The following B4GALT6 variants were observed in gnomAD, a reference collection of about 807,000 sequenced individuals.
B4GALT6 encodes beta-1,4-galactosyltransferase 6.
A neutral mutation model predicts 46.3 loss-of-function variants in B4GALT6; 14 were observed. The ratio of observed to expected loss-of-function variants is 0.30; its 90% CI spans 0.20 to 0.47. B4GALT6 has a LOEUF of 0.47. Ranked by LOEUF, B4GALT6 falls within the 20% of genes least tolerant of loss-of-function variation. The pLI, the probability that B4GALT6 is intolerant of heterozygous loss-of-function variation, is 0.99. For missense variants in B4GALT6, 386 were observed against 480.1 expected, an observed-to-expected ratio of 0.80 and a Z score of 1.83; for synonymous variants, 168 against 162.0, an observed-to-expected ratio of 1.04 and a Z score of -0.28.
At chr18:31,661,774 T>C (rs778893482) in intron 2 of B4GALT6, among the ~76,000 whole-genome samples, 1 of 152,198 alleles carries the variant, frequency 6.6e-6, no homozygotes, top group African/African-American at 2.4e-5. Context: ...AAAAAGTAAG[T>C]TTGTCCCTGG....
intron 1 of B4GALT6, among the ~76,000 whole-genome samples, chr18:31,678,395 C>T (rs986132944): frequency 5.9e-5 from 9 of 152,234 alleles, no homozygotes; most frequent in African/African-American, 1.9e-4. Context: ...TCACTGCTAA[C>T]TTAGGCTATC....
intron 4 of B4GALT6, among the ~76,000 whole-genome samples, chr18:31,640,512 T>C (rs189926964): frequency 6.6e-6 from 1 of 152,210 alleles, no homozygotes; most frequent in South Asian, 2.1e-4. Flanking sequence ...GCTGATGGGA[T>C]AGCAAAAACA....
At chr18:31,641,582 A>G (rs2073931413) in intron 4 of B4GALT6, among the ~76,000 whole-genome samples, 1 of 152,226 alleles carries the variant, frequency 6.6e-6, no homozygotes. Flanking sequence ...AAGGCTTAAT[A>G]GCCTGTTTCA....
the B4GALT6 span, among the ~76,000 whole-genome samples, chr18:31,722,683 T>G: frequency 1.3e-5 from 2 of 152,164 alleles, no homozygotes; most frequent in Admixed American, 6.5e-5. Context: ...TCTGCCTACT[T>G]GCCTTCATTT....
intron 3 of B4GALT6, among the ~76,000 whole-genome samples, chr18:31,646,403 G>T (rs1178016034): frequency 6.6e-6 from 1 of 152,158 alleles, no homozygotes; most frequent in Non-Finnish European, 1.5e-5. Flanking sequence ...ATCTCCCCCT[G>T]AATTAAAATA....
the B4GALT6 span, among the ~76,000 whole-genome samples, chr18:31,715,537 C>CTT: frequency 6.0e-3 from 299 of 49,626 alleles, 47 homozygotes; most frequent in Middle Eastern, 0.024. Flanking sequence ...CTGGAACTGT[C>CTT]TTTTTTTTTT....
chr18:31,645,501 A>C (rs751697628), intron 3 of B4GALT6, 22 bp from the exon 4 acceptor site: 1 of 1,599,494 alleles, frequency 6.3e-7, no homozygotes, highest in South Asian at 1.1e-5. Flanking sequence ...AAATGTAAAG[A>C]ATTGTTTTAA....
chr18:31,678,413 T>A (rs1037017919), intron 1 of B4GALT6, among the ~76,000 whole-genome samples: 4 of 152,108 alleles, frequency 2.6e-5, no homozygotes, highest in African/African-American at 9.7e-5. Context: ...ATCCAAAAAA[T>A]TTCATCGCTC....
chr18:31,648,838 T>C (rs1398228289), intron 3 of B4GALT6, among the ~76,000 whole-genome samples: 1 of 152,204 alleles, frequency 6.6e-6, no homozygotes, highest in Non-Finnish European at 1.5e-5. Context: ...GAGTTGTTTG[T>C]TCTATAAATC....
chr18:31,645,277 C>A, intron 4 of B4GALT6, 78 bp downstream of exon 4: 1 of 1,561,014 alleles, frequency 6.4e-7, no homozygotes, highest in Non-Finnish European at 8.7e-7. Context: ...ACATTTGTCT[C>A]TGTATTCTGA....
At chr18:31,696,650 A>G in the B4GALT6 span, among the ~76,000 whole-genome samples, 1 of 152,102 alleles carries the variant, frequency 6.6e-6, no homozygotes, top group Non-Finnish European at 1.5e-5. Context: ...TTTCATTTCA[A>G]TTTGTTTTAA....
At chr18:31,682,681 T>G (rs2074494084) in intron 1 of B4GALT6, among the ~76,000 whole-genome samples, 1 of 152,218 alleles carries the variant, frequency 6.6e-6, no homozygotes, top group Non-Finnish European at 1.5e-5. Context: ...TTTAACATGT[T>G]ACTCATAATA....
intron 1 of B4GALT6, among the ~76,000 whole-genome samples, chr18:31,677,916 C>T (rs556371364): frequency 6.6e-6 from 1 of 152,106 alleles, no homozygotes; most frequent in African/African-American, 2.4e-5. Context: ...CTCCCAATGG[C>T]GACCTAGGAA....
At chr18:31,711,491 G>T in the B4GALT6 span, among the ~76,000 whole-genome samples, 6 of 152,140 alleles carry the variant, frequency 3.9e-5, no homozygotes, top group East Asian at 9.7e-4. Context: ...GCTCCCACTT[G>T]TAAGTGAGAA....
At chr18:31,661,390 G>C (rs980082847) in intron 2 of B4GALT6, among the ~76,000 whole-genome samples, 9 of 152,076 alleles carry the variant, frequency 5.9e-5, no homozygotes, top group African/African-American at 2.2e-4. Context: ...GGAGGAGTGA[G>C]CTAGGAGACT....
chr18:31,631,212 T>TC (rs2073785406), intron 5 of B4GALT6, 66 bp from the exon 6 acceptor site: 2 of 1,467,968 alleles, frequency 1.4e-6, no homozygotes, highest in Non-Finnish European at 1.8e-6. Flanking sequence ...TTTTTTTTTT[T>TC]TTTCTTTTTT....
intron 6 of B4GALT6, among the ~76,000 whole-genome samples, chr18:31,629,570 C>T (rs1488730033): frequency 7.0e-6 from 1 of 142,214 alleles, no homozygotes; most frequent in Non-Finnish European, 1.5e-5. Flanking sequence ...CAGATTGTTG[C>T]CGGGCACGGT....
At chr18:31,648,487 C>T (rs1286951713) in intron 3 of B4GALT6, among the ~76,000 whole-genome samples, 2 of 152,180 alleles carry the variant, frequency 1.3e-5, no homozygotes, top group Non-Finnish European at 2.9e-5. Flanking sequence ...GAACTCAAGT[C>T]AGCTGGAAGC....
intron 8 of B4GALT6, 77 bp from the exon 9 acceptor site, chr18:31,625,838 G>A (rs1306452030): frequency 8.0e-7 from 1 of 1,257,172 alleles, no homozygotes; most frequent in Non-Finnish European, 1.1e-6. Context: ...TGTGTTCAAG[G>A]TCATCTTATA....
Sources: gnomAD v4.1 joint callset for allele counts (sites outside exome capture counted in the v4.1 genomes callset) on GRCh38, gnomAD v4.1.1 for gene constraint, MANE v1.5 for transcripts, NCBI Gene and HGNC (gene_info 2026-07-23, HGNC 2026-07-21) for gene names.